The following WDR19 variants were observed in gnomAD, a reference collection of about 807,000 sequenced individuals.
WDR19 encodes the protein WD repeat domain 19.
A neutral mutation model predicts 180.0 loss-of-function variants in WDR19; 121 were observed. The ratio of observed to expected loss-of-function variants is 0.67; its 90% CI spans 0.58 to 0.78. WDR19 has a LOEUF of 0.78. WDR19 is among the 30% of genes least tolerant of loss of function. WDR19 has a pLI of 0.00. For missense variants in WDR19, 1,450 were observed against 1,640.7 expected (o/e 0.88, Z 2.01); for synonymous variants, 497 against 540.7 (o/e 0.92, Z 1.12).
At chr4:39,190,898 C>T (rs1217564648) in intron 4 of WDR19, among the ~76,000 whole-genome samples, 1 of 152,180 alleles carries the variant, frequency 6.6e-6, no homozygotes, top group Non-Finnish European at 1.5e-5. Context: ...ACTTCAAGTA[C>T]TGGTTCTTGA....
intron 28 of WDR19, among the ~76,000 whole-genome samples, chr4:39,257,794 A>G (rs912385062): frequency 6.6e-6 from 1 of 152,028 alleles, no homozygotes; most frequent in African/African-American, 2.4e-5. Flanking sequence ...TGTGGATACA[A>G]TATCAGTGTC....
At chr4:39,240,469 C>A in intron 21 of WDR19, 135 bp downstream of exon 21, 1 of 403,334 alleles carries the variant, frequency 2.5e-6, no homozygotes, top group Non-Finnish European at 4.2e-6. Context: ...TACTAACAAC[C>A]TTGCAAGGAA....
intron 24 of WDR19, among the ~76,000 whole-genome samples, chr4:39,252,076 C>T (rs1290337361): frequency 5.9e-5 from 9 of 151,864 alleles, no homozygotes; most frequent in Non-Finnish European, 1.3e-4. Flanking sequence ...TATTGTGGCA[C>T]TATTCACAAT....
intron 31 of WDR19, among the ~76,000 whole-genome samples, chr4:39,270,879 A>G (rs939012160): frequency 6.9e-6 from 1 of 144,210 alleles, no homozygotes; most frequent in Non-Finnish European, 1.5e-5. Context: ...AGAAAGTTTA[A>G]AAAATATAGA....
intron 19 of WDR19, 94 bp from the exon 20 acceptor site, chr4:39,234,672 G>T: frequency 1.3e-6 from 1 of 765,672 alleles, no homozygotes; most frequent in Non-Finnish European, 2.3e-6. Context: ...AAACAAAAAG[G>T]TTTTGTAATT....
chr4:39,187,414 C>G (rs28622896), intron 3 of WDR19, among the ~76,000 whole-genome samples: 2 of 129,076 alleles, frequency 1.5e-5, no homozygotes, highest in African/African-American at 5.8e-5. Context: ...AACGAGACTC[C>G]ATCTCAAAAA....
At chr4:39,251,693 TGAA>T (rs1349968461) in intron 24 of WDR19, among the ~76,000 whole-genome samples, 1 of 151,320 alleles carries the variant, frequency 6.6e-6, no homozygotes, top group Non-Finnish European at 1.5e-5. Flanking sequence ...AAAAAGTGGG[TGAA>T]GGATATAAAC....
intron 12 of WDR19, 47 bp downstream of exon 12, chr4:39,216,257 G>C: frequency 6.9e-7 from 1 of 1,452,440 alleles, no homozygotes; most frequent in East Asian, 2.6e-5. Flanking sequence ...CATAATTTCT[G>C]TTCTTATTTG....
intron 36 of WDR19, among the ~76,000 whole-genome samples, chr4:39,281,025 T>C (rs1412332962): frequency 6.6e-6 from 1 of 152,048 alleles, no homozygotes; most frequent in Non-Finnish European, 1.5e-5. Context: ...GAGATGTAAG[T>C]TTTTTATGTA....
intron 28 of WDR19, among the ~76,000 whole-genome samples, chr4:39,259,743 C>T (rs1560547987): frequency 6.6e-6 from 1 of 152,116 alleles, no homozygotes; most frequent in Non-Finnish European, 1.5e-5. Context: ...GTGTATTACT[C>T]AGGAGTGGAA....
chr4:39,183,894 A>C (rs1725241423), intron 1 of WDR19, among the ~76,000 whole-genome samples: 1 of 152,246 alleles, frequency 6.6e-6, no homozygotes, highest in Admixed American at 6.5e-5. Context: ...AATCACAGCT[A>C]GAGGCAAGTC....
intron 15 of WDR19, among the ~76,000 whole-genome samples, chr4:39,226,992 G>T (rs980040867): frequency 2.0e-5 from 3 of 152,042 alleles, no homozygotes; most frequent in Non-Finnish European, 4.4e-5. Flanking sequence ...TAATAATCGC[G>T]ATTCTGACTG....
rs1733414159 is a variant in WDR19, at chr4:39,253,178, C to T, written c.2762C>T (p.Ala921Val). ...YKEAVVAYEN[A>V]KQWQSVIRIY... is the part of the protein sequence containing the mutation. ...GAAGCTGTTGTAGCTTATGAAAATG[C>T]AAAACAGTGGCAAAGTGTAATCCGC... The change falls in exon 25 of 37, where the codon GCA becomes GTA. Residue 921 changes from alanine (A) to valine (V), a missense_variant. Coordinates refer to ENST00000399820, the MANE Select transcript of WDR19 (RefSeq NM_025132.4). The T allele has an allele frequency of 6.2e-7, 1 of 1,609,526 alleles. No homozygotes were observed. The highest frequency in any genetic ancestry group is 1.3e-5 in the African/African-American group (1 of 74,690).
chr4:39,221,826 T>C (rs1042358392), intron 14 of WDR19, among the ~76,000 whole-genome samples: 3 of 152,258 alleles, frequency 2.0e-5, no homozygotes, highest in Non-Finnish European at 2.9e-5. Context: ...AGATGCATTA[T>C]GCTGTTGTGT....
At chr4:39,278,244 C>T in intron 35 of WDR19, 37 bp downstream of exon 35, 1 of 1,529,650 alleles carries the variant, frequency 6.5e-7, no homozygotes, top group Non-Finnish European at 8.9e-7. Flanking sequence ...TCACTGATTT[C>T]TCCCGACACA....
At chr4:39,201,290 G>A (rs185593562) in intron 6 of WDR19, among the ~76,000 whole-genome samples, 1 of 152,268 alleles carries the variant, frequency 6.6e-6, no homozygotes, top group Non-Finnish European at 1.5e-5. Context: ...AGAAGAAATA[G>A]AGTGTAAGAA....
Position 39,260,245 on chromosome 4 carries a change from G to C in WDR19, c.3183+2691G>C, listed in dbSNP as rs1422423780. Reference sequence around the variant, plus strand: ...GTAGTTAAATCTAGATACTTGATCAGATATGGATGATATTTCTGTAAAAAC... The same window carrying C: ...GTAGTTAAATCTAGATACTTGATCACATATGGATGATATTTCTGTAAAAAC... On this transcript the variant is annotated intron_variant, in intron 28 of 36. Transcript: ENST00000399820. Among the ~76,000 whole-genome samples, 3 of 151,822 alleles carry C rather than the reference G, an allele frequency of 2.0e-5. No homozygotes were observed. The East Asian group carries it at 5.8e-4, about 29-fold the overall frequency.
intron 6 of WDR19, among the ~76,000 whole-genome samples, chr4:39,199,939 G>C (rs1329692982): frequency 6.6e-6 from 1 of 152,184 alleles, no homozygotes; most frequent in Non-Finnish European, 1.5e-5. Context: ...CTTGAACTCA[G>C]AGTCAAATCT....
intron 12 of WDR19, 53 bp downstream of exon 12, chr4:39,216,263 A>G (rs1729061771): frequency 7.0e-7 from 1 of 1,425,726 alleles, no homozygotes; most frequent in Non-Finnish European, 9.4e-7. Flanking sequence ...TTCTGTTCTT[A>G]TTTGGGAAGC....
Sources: gnomAD v4.1 joint callset for allele counts (sites outside exome capture counted in the v4.1 genomes callset) on GRCh38, gnomAD v4.1.1 for gene constraint, MANE v1.5 for transcripts, NCBI Gene and HGNC (gene_info 2026-07-23, HGNC 2026-07-21) for gene names.